SARNP: variants seen among roughly 807,000 people sequenced by gnomAD.
SARNP encodes the protein SAP domain-containing ribonucleoprotein.
A neutral mutation model predicts 38.1 loss-of-function variants in SARNP; 5 were observed. The ratio of observed to expected loss-of-function variants is 0.13; its 90% confidence interval spans 0.07 to 0.28. SARNP has a LOEUF of 0.28. SARNP is among the 10% of genes least tolerant of loss of function. SARNP has a pLI of 1.00. For missense variants in SARNP, 180 were observed against 243.9 expected, an observed-to-expected ratio of 0.74 and a Z score of 1.75; for synonymous variants, 84 against 80.6, an observed-to-expected ratio of 1.04 and a Z score of -0.23.
At chr12:55,803,974 T>C (rs1565682389) in intron 1 of SARNP, among the ~76,000 whole-genome samples, 2 of 152,226 alleles carry the variant, frequency 1.3e-5, no homozygotes, top group East Asian at 3.9e-4. Flanking sequence ...AAACCTCATC[T>C]ATTTGTATAC....
chr12:55,806,077 T>TAA (rs1373802395), intron 1 of SARNP, among the ~76,000 whole-genome samples: 33 of 147,124 alleles, frequency 2.2e-4, no homozygotes, highest in African/African-American at 7.2e-4. Context: ...TTGCCAGTTT[T>TAA]AAAAAAAAAA....
rs367957447 is a variant in SARNP, at chr12:55,774,883, G to GTT, written c.501+14190_501+14191dup. Among the ~76,000 whole-genome samples the GTT allele has an allele frequency of 3.9e-3, 431 of 110,728 alleles. 8 individuals are homozygous for GTT. Among genetic ancestry groups the GTT allele is most frequent in the African/African-American group, 7.7e-3 (216 of 28,194 alleles). The allele number at this position is 110,728 out of a possible 152,430, so 72.6% of individuals were successfully genotyped here. On this transcript the variant is annotated intron_variant, in intron 9 of 10. Transcript: ENST00000336133. ...ACACCCTGAAAACACATTTCTATTT[G>GTT]TTTTTTTTTTTTTTTTTTTGGCAGA...
At chr12:55,758,909 T>A (rs1485226053) in intron 10 of SARNP, among the ~76,000 whole-genome samples, 2 of 150,656 alleles carry the variant, frequency 1.3e-5, no homozygotes, top group Non-Finnish European at 3.0e-5. Context: ...AATATACTTT[T>A]TTTTTTTTTT....
At chr12:55,779,966 G>A (rs1466956973) in intron 9 of SARNP, among the ~76,000 whole-genome samples, 2 of 152,120 alleles carry the variant, frequency 1.3e-5, no homozygotes, top group Non-Finnish European at 2.9e-5. Context: ...GGGTAACACA[G>A]TGAGACCCTG....
chr12:55,790,628 A>T, intron 7 of SARNP, 36 bp from the exon 8 acceptor site: 1 of 1,458,462 alleles, frequency 6.9e-7, no homozygotes, highest in Non-Finnish European at 9.1e-7. Flanking sequence ...TAATATTTTT[A>T]AAAGTCATCA....
chr12:55,774,579 CAA>C (rs71074858), intron 9 of SARNP, among the ~76,000 whole-genome samples: 1,326 of 106,304 alleles, frequency 0.012, 43 homozygotes, highest in African/African-American at 0.038. Context: ...AAAAAACAAA[CAA>C]AAAAAAAAAA....
chr12:55,784,010 T>C (rs1337719234), intron 9 of SARNP, among the ~76,000 whole-genome samples: 1 of 152,136 alleles, frequency 6.6e-6, no homozygotes, highest in South Asian at 2.1e-4. Context: ...CCTTTATTCA[T>C]ATACTACACT....
At chr12:55,764,832 CAAAAAAA>C (rs1162009254) in intron 9 of SARNP, among the ~76,000 whole-genome samples, 2 of 62,026 alleles carry the variant, frequency 3.2e-5, no homozygotes, top group African/African-American at 9.2e-5. Flanking sequence ...CTCTGTCTCA[CAAAAAAA>C]AAAAAAAAAA....
At chr12:55,806,845 A>G (rs907908003) in intron 1 of SARNP, among the ~76,000 whole-genome samples, 1 of 152,240 alleles carries the variant, frequency 6.6e-6, no homozygotes, top group African/African-American at 2.4e-5. Flanking sequence ...GCCTTAAATC[A>G]AGAATTTTAT....
intron 7 of SARNP, chr12:55,793,581 G>C (rs1879735622): frequency 6.6e-6 from 1 of 151,326 alleles, no homozygotes; most frequent in Non-Finnish European, 1.5e-5. Flanking sequence ...ACCGCATTTG[G>C]TTATGGTGAA....
At chr12:55,794,246 TAA>T in intron 7 of SARNP, 111 bp downstream of exon 7, 1 of 951,382 alleles carries the variant, frequency 1.1e-6, no homozygotes, top group East Asian at 2.4e-5. Context: ...TACAATCTCT[TAA>T]AGAGTTTCTA....
chr12:55,780,484 GAGAAGAGAAAAGAAA>G (rs2136189254), intron 9 of SARNP, among the ~76,000 whole-genome samples: 1 of 151,366 alleles, frequency 6.6e-6, no homozygotes, highest in Non-Finnish European at 1.5e-5. Flanking sequence ...GAGAAGAGAA[GAGAAGAGAAAAGAAA>G]AGAAAAGAAA....
At chr12:55,807,545 G>A (rs1245707462) in intron 1 of SARNP, among the ~76,000 whole-genome samples, 1 of 151,044 alleles carries the variant, frequency 6.6e-6, no homozygotes, top group Non-Finnish European at 1.5e-5. Context: ...GCTCACTCCT[G>A]TAATCCCAGC....
intron 1 of SARNP, among the ~76,000 whole-genome samples, 181 bp downstream of exon 1, chr12:55,817,485 G>A (rs1242729740): frequency 1.3e-5 from 2 of 152,246 alleles, no homozygotes; most frequent in Admixed American, 6.5e-5. Flanking sequence ...GTAAAGCCGT[G>A]AGGAGAAATG....
intron 9 of SARNP, among the ~76,000 whole-genome samples, chr12:55,772,872 G>A (rs1182116416): frequency 2.0e-5 from 3 of 151,980 alleles, no homozygotes; most frequent in Non-Finnish European, 4.4e-5. Flanking sequence ...GCAACACCAC[G>A]CCCGGCTAAT....
downstream of SARNP, chr12:55,755,978 A>C (rs1410607331): frequency 6.6e-6 from 1 of 152,200 alleles, no homozygotes; most frequent in Admixed American, 6.5e-5. Flanking sequence ...TCCACTTCAT[A>C]ATCAGCATCT....
At chr12:55,785,738 TG>T (rs1879471909) in intron 9 of SARNP, among the ~76,000 whole-genome samples, 1 of 151,208 alleles carries the variant, frequency 6.6e-6, no homozygotes, top group Admixed American at 6.6e-5. Context: ...ATCGCACCAT[TG>T]CACTCCAGCC....
At chr12:55,817,092 C>A (rs1040343941) in intron 1 of SARNP, among the ~76,000 whole-genome samples, 2 of 152,140 alleles carry the variant, frequency 1.3e-5, no homozygotes, top group African/African-American at 4.8e-5. Flanking sequence ...ACCTCCTCAA[C>A]CCCAGGCTTC....
chr12:55,780,009 G>C (rs773640582), intron 9 of SARNP, among the ~76,000 whole-genome samples: 1 of 152,122 alleles, frequency 6.6e-6, no homozygotes, highest in South Asian at 2.1e-4. Context: ...TTGACCGGGC[G>C]TGTTGGTCTG....
Sources: allele counts gnomAD v4.1 joint callset (sites outside exome capture counted in the v4.1 genomes callset), GRCh38; gene constraint gnomAD v4.1.1; transcripts MANE v1.5; gene names NCBI Gene and HGNC (gene_info 2026-07-23, HGNC 2026-07-21).